The following GPC3 variants were observed in gnomAD, a reference collection of about 807,000 sequenced individuals.
GPC3 encodes glypican-3.
Under a neutral mutation model 34.4 loss-of-function variants are expected in GPC3, and 3 were observed. The ratio of observed to expected loss-of-function variants is 0.09; its 90% CI spans 0.04 to 0.23. GPC3 has a LOEUF of 0.23. Ranked by LOEUF, GPC3 falls within the 10% of genes least tolerant of loss-of-function variation. The pLI is 1.00. For synonymous variants in GPC3, 177 were observed against 174.0 expected (o/e 1.02, Z -0.13); for missense variants, 351 against 445.6 (o/e 0.79, Z 1.91).
At chrX:133,665,636 A>T (rs969829412) in intron 5 of GPC3, among the ~76,000 whole-genome samples, 1 of 112,253 alleles carries the variant, frequency 8.9e-6, no homozygotes, top group African/African-American at 3.2e-5. Context: ...TTTAACTTTA[A>T]AAGTTAACTC....
Position 133,816,247 on chromosome X carries a change from G to A in GPC3, c.338-62071C>T, listed in dbSNP as rs147983308. On this transcript the variant is annotated intron_variant, in intron 2 of 7. Transcript: ENST00000370818. Reference sequence around the variant, plus strand: ...AAAAAAACATTTTTATAAAGACCAGGTCTCACTTTGTCACCCAGGCTGGTC... The same window carrying A: ...AAAAAAACATTTTTATAAAGACCAGATCTCACTTTGTCACCCAGGCTGGTC... Among the ~76,000 whole-genome samples the A allele has an allele frequency of 1.5e-3, 161 of 110,887 alleles. No homozygotes were observed. The Middle Eastern group carries it at 0.023, about 16-fold the overall frequency.
chrX:133,876,692 A>T (rs897994525), intron 2 of GPC3, among the ~76,000 whole-genome samples: 8 of 111,767 alleles, frequency 7.2e-5, no homozygotes, highest in African/African-American at 2.3e-4. Flanking sequence ...AGAAATGAAA[A>T]CTACTAATGT....
chrX:133,632,136 G>A (rs1490923947), intron 6 of GPC3, among the ~76,000 whole-genome samples: 1 of 110,920 alleles, frequency 9.0e-6, no homozygotes, highest in African/African-American at 3.3e-5. Context: ...GTCTCCCTCT[G>A]TTGCCCAGGC....
chrX:133,566,716 C>T (rs1323626806), intron 7 of GPC3, among the ~76,000 whole-genome samples: 1 of 111,177 alleles, frequency 9.0e-6, no homozygotes, highest in African/African-American at 3.3e-5. Flanking sequence ...TAAAGTATGG[C>T]CCCAGGTATC....
At chrX:133,543,849 A>T (rs1008398802) in intron 7 of GPC3, among the ~76,000 whole-genome samples, 2 of 112,286 alleles carry the variant, frequency 1.8e-5, no homozygotes, top group Admixed American at 9.4e-5. Context: ...TTTCCTGTTT[A>T]GCAGGTTATG....
intron 5 of GPC3, among the ~76,000 whole-genome samples, chrX:133,676,508 A>AG (rs1179905860): frequency 1.8e-5 from 2 of 112,068 alleles, no homozygotes; most frequent in African/African-American, 6.5e-5. Context: ...AGAATAACAA[A>AG]GGGGGAGAAA....
intron 1 of GPC3, among the ~76,000 whole-genome samples, chrX:133,979,397 T>A (rs1235298946): frequency 2.7e-5 from 3 of 112,132 alleles, no homozygotes; most frequent in Non-Finnish European, 5.6e-5. Flanking sequence ...GAAAAATGAA[T>A]CTCTTAGTAA....
intron 1 of GPC3, among the ~76,000 whole-genome samples, chrX:133,958,504 C>T (rs1460210739): frequency 2.0e-5 from 2 of 99,530 alleles, no homozygotes; most frequent in Non-Finnish European, 2.0e-5. Context: ...ATGATGGCAC[C>T]ACTGCACTCC....
chrX:133,962,602 G>A (rs1273156170), intron 1 of GPC3, among the ~76,000 whole-genome samples: 2 of 112,120 alleles, frequency 1.8e-5, no homozygotes, highest in Non-Finnish European at 3.8e-5. Context: ...CTATGCTGGA[G>A]TTGGGATGCA....
intron 2 of GPC3, among the ~76,000 whole-genome samples, chrX:133,796,008 C>G (rs1398303289): frequency 2.0e-5 from 2 of 99,700 alleles, no homozygotes; most frequent in Non-Finnish European, 2.0e-5. Flanking sequence ...TGCAGTGGCG[C>G]AATCTTGGCT....
At position 133,827,944 on chromosome X, in the gene GPC3, CAAAAAAA is replaced by C. The variant is rs760699432; in HGVS notation, c.338-73775_338-73769del. On this transcript the variant is annotated intron_variant, in intron 2 of 7. Transcript: ENST00000370818. ...GGGCAACAAGAGCAAAACTCCATCC[CAAAAAAA>C]AAAAAAAAAAAAAAAAAGAACAACC... Among the ~76,000 whole-genome samples the C allele has an allele frequency of 5.3e-4, 19 of 36,047 alleles. No individual in the cohort carries two copies. The South Asian group carries it at 0.02, about 39-fold the overall frequency. 31.3% of individuals were successfully genotyped at this position (36,047 alleles called of 115,157 possible). A position where few individuals can be genotyped will look rare whatever the true frequency, so the allele number is the denominator to read the frequency against.
At chrX:133,655,898 T>C (rs1373060319) in intron 6 of GPC3, among the ~76,000 whole-genome samples, 1 of 112,391 alleles carries the variant, frequency 8.9e-6, no homozygotes, top group Non-Finnish European at 1.9e-5. Context: ...TATTAAAAAA[T>C]TTTAACTTTC....
intron 2 of GPC3, among the ~76,000 whole-genome samples, chrX:133,877,246 A>G (rs1437810900): frequency 8.9e-6 from 1 of 111,932 alleles, no homozygotes; most frequent in Non-Finnish European, 1.9e-5. Flanking sequence ...AATTTATTTT[A>G]AGGCCATGGT....
intron 7 of GPC3, among the ~76,000 whole-genome samples, chrX:133,548,946 TA>T (rs2069409307): frequency 8.9e-6 from 1 of 111,816 alleles, no homozygotes; most frequent in African/African-American, 3.2e-5. Context: ...GTAAGTCCAT[TA>T]AGTCTCTTTT....
At chrX:133,632,300 A>G (rs972020299) in intron 6 of GPC3, among the ~76,000 whole-genome samples, 12 of 110,453 alleles carry the variant, frequency 1.1e-4, no homozygotes, top group African/African-American at 3.6e-4. Context: ...GGGTTTCGCC[A>G]TGTTGGCCAG....
chrX:133,685,409 T>A (rs2070989533), intron 5 of GPC3, among the ~76,000 whole-genome samples: 1 of 111,773 alleles, frequency 8.9e-6, no homozygotes, highest in African/African-American at 3.3e-5. Context: ...CCAGAAGGTT[T>A]TGAGACAACG....
chrX:133,700,179 C>T, intron 3 of GPC3, 151 bp from the exon 4 acceptor site: 1 of 463,422 alleles, frequency 2.2e-6, no homozygotes. Context: ...GCTTGTAAGA[C>T]AAAGAACCAC....
chrX:133,776,639 T>C (rs1040085802), intron 2 of GPC3, among the ~76,000 whole-genome samples: 4 of 111,541 alleles, frequency 3.6e-5, no homozygotes, highest in Non-Finnish European at 5.6e-5. Flanking sequence ...TCCACCTCCA[T>C]CTTCCTGTCT....
intron 2 of GPC3, among the ~76,000 whole-genome samples, chrX:133,796,225 G>C (rs778265435): frequency 1.8e-5 from 2 of 111,720 alleles, no homozygotes; most frequent in Non-Finnish European, 3.8e-5. Flanking sequence ...GATTACAGGC[G>C]TGAGCCACCG....
Sources: allele counts gnomAD v4.1 joint callset (sites outside exome capture counted in the v4.1 genomes callset), GRCh38; gene constraint gnomAD v4.1.1; transcripts MANE v1.5; gene names NCBI Gene and HGNC (gene_info 2026-07-23, HGNC 2026-07-21).